Variants in MICAL2 observed in about 807,000 individuals in gnomAD.
The protein encoded by MICAL2 is [F-actin]-monooxygenase MICAL2.
A neutral mutation model predicts 127.3 loss-of-function variants in MICAL2; 77 were observed. That is an observed-to-expected ratio of 0.60 (90% CI 0.50 to 0.73). The LOEUF (loss-of-function observed/expected upper bound fraction) is 0.73. Among genes scored for constraint, MICAL2 ranks in the 30% least tolerant of loss-of-function variants. MICAL2 has a pLI of 0.00. For synonymous variants in MICAL2, 570 were observed against 551.1 expected (o/e 1.03, Z -0.48); for missense variants, 1,351 against 1,434.4 (o/e 0.94, Z 0.94).
chr11:12,322,358 C>G (rs1864308863), intron 30 of MICAL2, among the ~76,000 whole-genome samples: 2 of 152,090 alleles, frequency 1.3e-5, no homozygotes, highest in Non-Finnish European at 2.9e-5. Flanking sequence ...AATCCCCCGT[C>G]CAAAAGGTCT....
Position 12,124,230 on chromosome 11 carries a change from C to T in MICAL2, c.-149+13504C>T, listed in dbSNP as rs371207090. ...TTTAAGTATGCCTTCCACAGCGTCA[C>T]CCAAGTCATGATAAATGCTTATCGA... On this transcript the variant is annotated intron_variant, in intron 1 of 27. Transcript: ENST00000683283. 1.6e-4 allele frequency among the ~76,000 whole-genome samples: 25 copies of T among 152,266 alleles called. 1 individual carries two copies. In the South Asian group the frequency reaches 2.5e-3, roughly 15 times the overall value.
rs1289721781 is a variant in MICAL2 at position 12,255,760 on chromosome 11, T to G, written c.2955+10T>G. ...CACCTCTCCAGACCTGGTAAGGACATGCACCCCCAGCCTTCACCCACAGAC... is the reference window on the plus strand; with the variant it reads ...CACCTCTCCAGACCTGGTAAGGACAGGCACCCCCAGCCTTCACCCACAGAC... On this transcript the variant is annotated intron_variant, in intron 23 of 27. Coordinates refer to ENST00000683283, the MANE Select transcript of MICAL2 (RefSeq NM_001282663.2). The G allele has an allele frequency of 1.2e-6, 2 of 1,605,974 alleles. No individual in the cohort carries two copies. The highest frequency in any genetic ancestry group is 1.3e-5 in the African/African-American group (1 of 74,706).
At chr11:12,269,779 C>T (rs1371033371) in intron 24 of MICAL2, among the ~76,000 whole-genome samples, 2 of 152,226 alleles carry the variant, frequency 1.3e-5, no homozygotes, top group African/African-American at 4.8e-5. Context: ...CAGCCAGGGC[C>T]CCTTGAATGA....
In MICAL2 at chr11:12,256,828, A is replaced by G; in HGVS notation, c.2999A>G (p.Asp1000Gly). ...TTTCCCCTTAACCTGGGAGGCAGCGACACGTGTTACTTCTGTAAGAAACGT... is the reference window on the plus strand; with the variant it reads ...TTTCCCCTTAACCTGGGAGGCAGCGGCACGTGTTACTTCTGTAAGAAACGT... Reference protein sequence around the residue: ...KSFPLNLGGSDTCYFCKKRVY... With the variant: ...KSFPLNLGGSGTCYFCKKRVY... The change falls in exon 24 of 28, where the codon GAC (aspartate) becomes GGC (glycine). Residue 1000 changes from aspartate to glycine, a missense_variant. Coordinates refer to ENST00000683283, the MANE Select transcript of MICAL2 (RefSeq NM_001282663.2). The G allele has an allele frequency of 1.2e-6, 2 of 1,613,906 alleles. No homozygotes were observed. The highest frequency in any genetic ancestry group is 1.1e-5 in the South Asian group (1 of 91,044).
chr11:12,280,040 C>G (rs1282416253), intron 1 of MICAL2, among the ~76,000 whole-genome samples: 1 of 152,230 alleles, frequency 6.6e-6, no homozygotes, highest in Non-Finnish European at 1.5e-5. Flanking sequence ...TTTGTACTTT[C>G]CCATCCTGGA....
chr11:12,190,107 C>G (rs1252727806), intron 3 of MICAL2, among the ~76,000 whole-genome samples: 3 of 152,180 alleles, frequency 2.0e-5, no homozygotes, highest in Non-Finnish European at 2.9e-5. Flanking sequence ...TTGCTAACTT[C>G]TTTTGTGGCA....
chr11:12,256,398 C>G (rs1466303251), intron 23 of MICAL2: 1 of 169,076 alleles, frequency 5.9e-6, no homozygotes, highest in African/African-American at 2.4e-5. Context: ...GGACCTTTGT[C>G]CAGAACCAGG....
chr11:12,229,152 T>A (rs554144029), intron 15 of MICAL2, among the ~76,000 whole-genome samples: 1 of 152,178 alleles, frequency 6.6e-6, no homozygotes, highest in South Asian at 2.1e-4. Context: ...GTGGTCACTT[T>A]TTCCACTGAG....
chr11:12,306,093 C>T (rs1864106206), intron 29 of MICAL2, among the ~76,000 whole-genome samples: 2 of 152,036 alleles, frequency 1.3e-5, no homozygotes, highest in Admixed American at 6.6e-5. Context: ...GAAAAATACT[C>T]GTAAGTATAG....
intron 29 of MICAL2, among the ~76,000 whole-genome samples, chr11:12,312,555 G>A (rs1864186203): frequency 6.6e-6 from 1 of 152,074 alleles, no homozygotes; most frequent in Admixed American, 6.5e-5. Context: ...CCCTCTGAAA[G>A]GTTGCTGAAA....
intron 3 of MICAL2, among the ~76,000 whole-genome samples, chr11:12,175,954 A>G (rs1439601111): frequency 6.6e-6 from 1 of 152,180 alleles, no homozygotes; most frequent in Non-Finnish European, 1.5e-5. Flanking sequence ...TTTACTCTGC[A>G]TGAGATGCAA....
intron 3 of MICAL2, among the ~76,000 whole-genome samples, chr11:12,168,986 A>AG (rs1855910044): frequency 1.3e-5 from 2 of 150,702 alleles, no homozygotes; most frequent in Admixed American, 1.3e-4. Context: ...AAAGAGAGAG[A>AG]AAAAAAAAGA....
At position 12,242,440 on chromosome 11, in the gene MICAL2, A is replaced by G; in HGVS notation, c.2556+8A>G. The stretch of plus-strand genomic sequence containing the variant: ...GAGGAAAAGATTCTCCAGGTGAGAG[A>G]CTCACTTTTTGCCCGTCTCTGTCCG... On this transcript the variant is annotated splice_region_variant and intron_variant, in intron 19 of 27. Transcript: ENST00000683283. The G allele has an allele frequency of 6.3e-7, 1 of 1,591,822 alleles. No individual in the cohort carries two copies.
chr11:12,118,493 G>A (rs570146016), intron 1 of MICAL2, among the ~76,000 whole-genome samples: 1 of 152,312 alleles, frequency 6.6e-6, no homozygotes, highest in South Asian at 2.1e-4. Flanking sequence ...GGCCCACAGG[G>A]CTGCAGAGAC....
chr11:12,195,227 A>G (rs1337772900), intron 3 of MICAL2, among the ~76,000 whole-genome samples: 1 of 152,244 alleles, frequency 6.6e-6, no homozygotes, highest in Non-Finnish European at 1.5e-5. Context: ...ACTGTACTCC[A>G]GCCTGGGCTA....
intron 12 of MICAL2, among the ~76,000 whole-genome samples, chr11:12,224,094 G>C (rs949930206): frequency 1.3e-5 from 2 of 152,118 alleles, no homozygotes; most frequent in Non-Finnish European, 2.9e-5. Context: ...CCCCACTGCT[G>C]TAATAAACCA....
chr11:12,321,650 T>TGC (rs1864298569), intron 30 of MICAL2, among the ~76,000 whole-genome samples: 1 of 44,192 alleles, frequency 2.3e-5, no homozygotes, highest in Non-Finnish European at 6.2e-5. Context: ...TATGTAAGGC[T>TGC]GTGTGTTTAT....
chr11:12,173,447 C>T (rs1856502093), intron 3 of MICAL2, among the ~76,000 whole-genome samples: 2 of 152,242 alleles, frequency 1.3e-5, no homozygotes, highest in Non-Finnish European at 2.9e-5. Context: ...TTGCAGCTGC[C>T]TGTTGCTCCT....
chr11:12,131,217 C>T (rs1185933939), intron 1 of MICAL2, among the ~76,000 whole-genome samples: 1 of 40,988 alleles, frequency 2.4e-5, no homozygotes, highest in African/African-American at 5.2e-5. Context: ...GGCGTGAACC[C>T]GGGAGGCGGA....
Sources: allele counts gnomAD v4.1 joint callset (sites outside exome capture counted in the v4.1 genomes callset), GRCh38; gene constraint gnomAD v4.1.1; transcripts MANE v1.5; gene names NCBI Gene and HGNC (gene_info 2026-07-23, HGNC 2026-07-21).